Variants in RFPL1 observed in about 807,000 individuals in gnomAD.
The protein encoded by RFPL1 is ret finger protein like 1, also known as ret finger protein-like 1.
In RFPL1, 6 loss-of-function variants were observed where a neutral mutation model predicts 9.6. The ratio of observed to expected loss-of-function variants is 0.62; its 90% CI spans 0.34 to 1.23. RFPL1 has a LOEUF of 1.23. RFPL1 is among the 50% of genes most tolerant of loss of function. The pLI, the probability that RFPL1 is intolerant of heterozygous loss-of-function variation, is 0.03. For missense variants in RFPL1, 352 were observed against 398.4 expected, an observed-to-expected ratio of 0.88 and a Z score of 0.99; for synonymous variants, 145 against 149.4, an observed-to-expected ratio of 0.97 and a Z score of 0.22.
chr22:29,438,488 GC>G (rs1257271704), upstream of RFPL1: 28 of 832,630 alleles, frequency 3.4e-5, no homozygotes, highest in Admixed American at 1.1e-3. Context: ...CGGCCTCCCA[GC>G]CCCTAATTCT....
the RFPL1 span, among the ~76,000 whole-genome samples, chr22:29,400,619 G>C: frequency 2.0e-5 from 3 of 152,014 alleles, no homozygotes; most frequent in Non-Finnish European, 2.9e-5. Flanking sequence ...CATCTTTATG[G>C]GGGGGGAATG....
At chr22:29,424,415 C>T in the RFPL1 span, among the ~76,000 whole-genome samples, 1 of 151,952 alleles carries the variant, frequency 6.6e-6, no homozygotes, top group African/African-American at 2.4e-5. Flanking sequence ...GGAGCTTCAC[C>T]CACATTACCT....
the RFPL1 span, among the ~76,000 whole-genome samples, chr22:29,425,217 A>C: frequency 6.6e-6 from 1 of 151,750 alleles, no homozygotes. Flanking sequence ...AAAAAAAAAA[A>C]AAAAGAAAAC....
chr22:29,415,269 A>G, the RFPL1 span, among the ~76,000 whole-genome samples: 3 of 152,224 alleles, frequency 2.0e-5, no homozygotes, highest in East Asian at 3.9e-4. Flanking sequence ...AACCAAAACC[A>G]AAGTGCCGAT....
the RFPL1 span, among the ~76,000 whole-genome samples, chr22:29,402,675 A>G: frequency 6.6e-6 from 1 of 150,792 alleles, no homozygotes; most frequent in Admixed American, 6.6e-5. Flanking sequence ...ATTTGTGTAT[A>G]ACTACATTTG....
the RFPL1 span, among the ~76,000 whole-genome samples, chr22:29,417,153 A>C: frequency 6.6e-6 from 1 of 151,934 alleles, no homozygotes; most frequent in South Asian, 2.1e-4. Flanking sequence ...AGGAGGAAAA[A>C]CTGCTGATGA....
At chr22:29,442,021 C>G in exon 2 of RFPL1, 1 of 1,613,974 alleles carries the variant, frequency 6.2e-7, no homozygotes, top group Non-Finnish European at 8.5e-7. Context: ...GTTTTTTGCT[C>G]CTCCAAGTCC....
the RFPL1 span, among the ~76,000 whole-genome samples, chr22:29,424,834 C>CCT: frequency 2.2e-5 from 1 of 46,230 alleles, no homozygotes; most frequent in Admixed American, 2.6e-4. Flanking sequence ...GTCCCTCCCA[C>CCT]CCCCCCCCCC....
chr22:29,428,334 G>A, the RFPL1 span, among the ~76,000 whole-genome samples: 1 of 152,088 alleles, frequency 6.6e-6, no homozygotes, highest in Non-Finnish European at 1.5e-5. Flanking sequence ...AAATATATAT[G>A]CACCTAACTC....
chr22:29,439,128 A>G (rs2062824595), exon 1 of RFPL1: 1 of 1,614,078 alleles, frequency 6.2e-7, no homozygotes, highest in African/African-American at 1.3e-5. Context: ...GCTGAAGAAG[A>G]TTCTGCAGAT....
chr22:29,422,808 T>TACACACACACAC, the RFPL1 span, among the ~76,000 whole-genome samples: 4 of 150,238 alleles, frequency 2.7e-5, no homozygotes, highest in African/African-American at 7.4e-5. Flanking sequence ...AACACACACA[T>TACACACACACAC]ACACACACAC....
At chr22:29,423,396 T>TTTTTTTTA in the RFPL1 span, among the ~76,000 whole-genome samples, 1 of 150,094 alleles carries the variant, frequency 6.7e-6, no homozygotes. Flanking sequence ...TTTTTTTTTC[T>TTTTTTTTA]TCAGAGATGG....
the RFPL1 span, among the ~76,000 whole-genome samples, chr22:29,429,080 G>A: frequency 6.6e-6 from 1 of 152,120 alleles, no homozygotes; most frequent in Admixed American, 6.6e-5. Context: ...GTTTTAGATA[G>A]GGTCTCGCTC....
chr22:29,423,755 C>G, the RFPL1 span, among the ~76,000 whole-genome samples: 1 of 152,170 alleles, frequency 6.6e-6, no homozygotes, highest in South Asian at 2.1e-4. Flanking sequence ...AGACTTCTCC[C>G]CATGACTTCT....
the RFPL1 span, chr22:29,419,106 C>G: frequency 7.6e-7 from 1 of 1,320,902 alleles, no homozygotes; most frequent in African/African-American, 1.4e-5. Flanking sequence ...GCTATAAACC[C>G]TCCCCTGTCA....
chr22:29,395,138 G>T, the RFPL1 span, among the ~76,000 whole-genome samples: 1 of 151,962 alleles, frequency 6.6e-6, no homozygotes, highest in Non-Finnish European at 1.5e-5. Context: ...TCCCCTCTGC[G>T]CCCACTAGAG....
exon 1 of RFPL1, chr22:29,438,618 C>T (rs1314938624): frequency 1.4e-6 from 2 of 1,447,074 alleles, no homozygotes; most frequent in Non-Finnish European, 1.8e-6. Flanking sequence ...TGCTGGGTCA[C>T]CAGTAGAATG....
chr22:29,419,128 G>C, the RFPL1 span: 14 of 1,574,008 alleles, frequency 8.9e-6, no homozygotes, highest in Admixed American at 2.3e-4. Flanking sequence ...CCAGCTTCCA[G>C]CTGCCACCAG....
the RFPL1 span, among the ~76,000 whole-genome samples, chr22:29,418,303 C>G: frequency 6.6e-6 from 1 of 151,508 alleles, no homozygotes; most frequent in South Asian, 2.1e-4. Context: ...AGCCAAGGTG[C>G]GGCAGCCGCT....
Sources: allele counts gnomAD v4.1 joint callset (sites outside exome capture counted in the v4.1 genomes callset), GRCh38; gene constraint gnomAD v4.1.1; transcripts MANE v1.5; gene names NCBI Gene and HGNC (gene_info 2026-07-23, HGNC 2026-07-21).